The following FOXRED1 variants were observed in gnomAD, a reference collection of about 807,000 sequenced individuals.
The protein encoded by FOXRED1 is FAD-dependent oxidoreductase domain-containing protein 1.
FOXRED1 carries 52 observed loss-of-function variants against 57.8 expected under a neutral mutation model. The ratio of observed to expected loss-of-function variants is 0.90; its 90% CI spans 0.72 to 1.13. The LOEUF is 1.13. FOXRED1 is among the 50% of genes most tolerant of loss of function. FOXRED1 has a pLI of 0.00. For synonymous variants in FOXRED1, 271 were observed against 248.3 expected, an observed-to-expected ratio of 1.09 and a Z score of -0.86; for missense variants, 589 against 625.2, an observed-to-expected ratio of 0.94 and a Z score of 0.62.
At chr11:126,269,351 G>C in intron 1 of FOXRED1, 60 bp downstream of exon 1, 1 of 1,613,390 alleles carries the variant, frequency 6.2e-7, no homozygotes, top group Non-Finnish European at 8.5e-7. Context: ...CTCCGACTGT[G>C]TGTCCTTCAG....
intron 1 of FOXRED1, chr11:126,270,864 T>G: frequency 6.1e-6 from 1 of 164,662 alleles, no homozygotes; most frequent in East Asian, 1.7e-4. Flanking sequence ...TTAGGATGCT[T>G]TTGCATTTGT....
Position 126,275,578 on chromosome 11 carries a change from C to G in FOXRED1, c.733+150C>G. The G allele has an allele frequency of 1.4e-6, 1 of 737,382 alleles. No individual in the cohort carries two copies. 45.7% of individuals were successfully genotyped at this position (737,382 alleles called of 1,614,324 possible). On this transcript the variant is annotated intron_variant, in intron 6 of 10. Transcript: ENST00000263578. This position sits in a 1 kb window ranked among gnomAD's most constrained non-coding sequence, Gnocchi z 5.9. Reference sequence around the variant, plus strand: ...ATCTTGACCTGGGCTCCTCACTGATCTGCGTTGTGACTTGTGATCTGCTTG... The same window carrying G: ...ATCTTGACCTGGGCTCCTCACTGATGTGCGTTGTGACTTGTGATCTGCTTG...
At position 126,271,405 on chromosome 11, in the gene FOXRED1, T is replaced by C. The variant is rs1272108855; in HGVS notation, c.86-32T>C. 6.6e-7 allele frequency: 1 copy of C among 1,511,842 alleles called. No homozygotes were observed. Among genetic ancestry groups the C allele is most frequent in the Non-Finnish European group, 9.2e-7 (1 of 1,086,888 alleles). 93.7% of individuals were successfully genotyped at this position (1,511,842 alleles called of 1,614,324 possible). ...CCCCCAACCATGTGGGAAGGAAATGTTTGGCCCTCTGACCCTAACTACATC... is the reference window on the plus strand; with the variant it reads ...CCCCCAACCATGTGGGAAGGAAATGCTTGGCCCTCTGACCCTAACTACATC... On this transcript the variant is annotated intron_variant, in intron 1 of 10. Transcript: ENST00000263578. The surrounding 1 kb of genome is among the most constrained non-coding windows in gnomAD (Gnocchi z 5.3).
In FOXRED1 at chr11:126,273,560, G is replaced by T; in HGVS notation, c.536+106G>T. 1 of 800,250 alleles carries T rather than the reference G, an allele frequency of 1.2e-6. No individual in the cohort carries two copies. Among genetic ancestry groups the T allele is most frequent in the Non-Finnish European group, 2.2e-6 (1 of 449,778 alleles). The allele number at this position is 800,250 out of a possible 1,614,324, so 49.6% of individuals were successfully genotyped here. A position where few individuals can be genotyped will look rare whatever the true frequency, so the allele number is the denominator to read the frequency against. ...AGTGGAGTTGATAAGACAGATCCCT[G>T]CGGTCTAGGACCTCAGTGTGTCAGG... On this transcript the variant is annotated intron_variant, in intron 4 of 10. Coordinates refer to ENST00000263578, the MANE Select transcript of FOXRED1 (RefSeq NM_017547.4). The surrounding 1 kb of genome is among the most constrained non-coding windows in gnomAD (Gnocchi z 5.9).
In FOXRED1 at chr11:126,269,276, G is replaced by GTT. The variant is rs1565350008; in HGVS notation, c.70_71insTT (p.Gly24ValfsTer45). The GTT allele has an allele frequency of 1.9e-6, 3 of 1,614,246 alleles. No individual in the cohort carries two copies. The South Asian group carries it at 3.3e-5, about 18-fold the overall frequency. Reference sequence around the variant, plus strand: ...GACCCGGAGGCCAGGCACGCGCAGAGGAGGCTTTTCTCTGGGTAAAGTTGA... The same window carrying GTT: ...GACCCGGAGGCCAGGCACGCGCAGAGTTGAGGCTTTTCTCTGGGTAAAGTTGA... On this transcript the variant is annotated frameshift_variant, in exon 1 of 11. Coordinates refer to ENST00000263578, the MANE Select transcript of FOXRED1 (RefSeq NM_017547.4). LOFTEE classifies it high-confidence loss of function.
rs1425210219 is a variant in FOXRED1, at chr11:126,274,882, C to G, written c.537-45C>G. 1 of 1,130,854 alleles carries G rather than the reference C, an allele frequency of 8.8e-7. No homozygotes were observed. The highest frequency in any genetic ancestry group is 1.4e-6 in the Non-Finnish European group (1 of 738,410). The allele number at this position is 1,130,854 out of a possible 1,614,324, so 70.1% of individuals were successfully genotyped here. A position where few individuals can be genotyped will look rare whatever the true frequency, so the allele number is the denominator to read the frequency against. On this transcript the variant is annotated intron_variant, in intron 4 of 10. Coordinates refer to ENST00000263578, the MANE Select transcript of FOXRED1 (RefSeq NM_017547.4). This position sits in a 1 kb window ranked among gnomAD's most constrained non-coding sequence, Gnocchi z 4.8. Reference sequence around the variant, plus strand: ...GGTCCATACATCATCCCCCTGCACACTCCCCTCTCTGACACACATACACCG... The same window carrying G: ...GGTCCATACATCATCCCCCTGCACAGTCCCCTCTCTGACACACATACACCG...
chr11:126,273,783 T>C lies in FOXRED1; in HGVS notation c.536+329T>C. The stretch of plus-strand genomic sequence containing the variant: ...AACCTTAAGTCAGGAGTTAGCAAAC[T>C]TTTTCTGTAAAGGGCCAGATAGTAT... On this transcript the variant is annotated intron_variant, in intron 4 of 10. Coordinates refer to ENST00000263578, the MANE Select transcript of FOXRED1 (RefSeq NM_017547.4). This position sits in a 1 kb window ranked among gnomAD's most constrained non-coding sequence, Gnocchi z 5.9. The C allele has an allele frequency of 2.7e-6, 1 of 375,598 alleles. No individual in the cohort carries two copies. The highest frequency in any genetic ancestry group is 3.8e-5 in the Admixed American group (1 of 26,386). 23.3% of individuals were successfully genotyped at this position (375,598 alleles called of 1,614,324 possible).
chr11:126,271,914 G>T lies in FOXRED1; in HGVS notation c.306+257G>T. ...GGATTTTTCGAGATCTCATAGCTCT[G>T]GTCATGAGAGCCTGCATTCAAGCTA... On this transcript the variant is annotated intron_variant, in intron 2 of 10. Coordinates refer to ENST00000263578, the MANE Select transcript of FOXRED1 (RefSeq NM_017547.4). The surrounding 1 kb of genome is among the most constrained non-coding windows in gnomAD (Gnocchi z 5.3). 1 of 476,920 alleles carries T rather than the reference G, an allele frequency of 2.1e-6. No individual in the cohort carries two copies. Among genetic ancestry groups the T allele is most frequent in the Non-Finnish European group, 3.9e-6 (1 of 259,574 alleles). 29.5% of individuals were successfully genotyped at this position (476,920 alleles called of 1,614,324 possible).
chr11:126,277,812 C>T lies in FOXRED1; in HGVS notation c.*123C>T, dbSNP rs756182589. On this transcript the variant is annotated 3_prime_UTR_variant, in exon 11 of 11. Transcript: ENST00000263578. This position sits in a 1 kb window ranked among gnomAD's most constrained non-coding sequence, Gnocchi z 6.8. ...CTCCCCCTCCCCAGTGTCCTCTCCT[C>T]TCAGGCAGGCCATTGCACCCATATG... 9.1e-7 allele frequency: 1 copy of T among 1,093,462 alleles called. No individual in the cohort carries two copies. 67.7% of individuals were successfully genotyped at this position (1,093,462 alleles called of 1,614,324 possible).
chr11:126,274,304 G>A lies in FOXRED1; in HGVS notation c.537-623G>A, dbSNP rs929840338. Reference sequence around the variant, plus strand: ...AGGATTGTACAAGGAGTGGAGAGGAGGTGGATCCAGGCAGGAGTGGAGGGA... The same window carrying A: ...AGGATTGTACAAGGAGTGGAGAGGAAGTGGATCCAGGCAGGAGTGGAGGGA... On this transcript the variant is annotated intron_variant, in intron 4 of 10. Transcript: ENST00000263578. The surrounding 1 kb of genome is among the most constrained non-coding windows in gnomAD (Gnocchi z 4.8). The A allele has an allele frequency of 5.9e-6, 1 of 168,722 alleles. No homozygotes were observed. Among genetic ancestry groups the A allele is most frequent in the African/African-American group, 2.4e-5 (1 of 41,718 alleles). 10.5% of individuals were successfully genotyped at this position (168,722 alleles called of 1,614,324 possible). A position where few individuals can be genotyped will look rare whatever the true frequency, so the allele number is the denominator to read the frequency against.
In FOXRED1 at chr11:126,274,885, C is replaced by A; in HGVS notation, c.537-42C>A. 1.7e-6 allele frequency: 2 copies of A among 1,153,822 alleles called. No homozygotes were observed. The highest frequency in any genetic ancestry group is 1.7e-5 in the Admixed American group (1 of 59,468). 71.5% of individuals were successfully genotyped at this position (1,153,822 alleles called of 1,614,324 possible). A position where few individuals can be genotyped will look rare whatever the true frequency, so the allele number is the denominator to read the frequency against. On this transcript the variant is annotated intron_variant, in intron 4 of 10. Transcript: ENST00000263578. This position sits in a 1 kb window ranked among gnomAD's most constrained non-coding sequence, Gnocchi z 4.8. ...CCATACATCATCCCCCTGCACACTCCCCTCTCTGACACACATACACCGACC... is the reference window on the plus strand; with the variant it reads ...CCATACATCATCCCCCTGCACACTCACCTCTCTGACACACATACACCGACC...
Position 126,271,420 on chromosome 11 carries a change from C to T in FOXRED1, c.86-17C>T, listed in dbSNP as rs1950981734. 4 of 1,596,908 alleles carry T rather than the reference C, an allele frequency of 2.5e-6. No individual in the cohort carries two copies. Among genetic ancestry groups the T allele is most frequent in the Non-Finnish European group, 3.4e-6 (4 of 1,164,490 alleles). ...GAAGGAAATGTTTGGCCCTCTGACC[C>T]TAACTACATCCCACAGACTGGGATG... On this transcript the variant is annotated splice_polypyrimidine_tract_variant and intron_variant, in intron 1 of 10. Coordinates refer to ENST00000263578, the MANE Select transcript of FOXRED1 (RefSeq NM_017547.4). The surrounding 1 kb of genome is among the most constrained non-coding windows in gnomAD (Gnocchi z 5.3).
At position 126,275,745 on chromosome 11, in the gene FOXRED1, A is replaced by G; in HGVS notation, c.734-49A>G. The G allele has an allele frequency of 1.6e-6, 2 of 1,255,052 alleles. No individual in the cohort carries two copies. The highest frequency in any genetic ancestry group is 1.2e-5 in the South Asian group (1 of 83,818). The allele number at this position is 1,255,052 out of a possible 1,614,324, so 77.7% of individuals were successfully genotyped here. On this transcript the variant is annotated intron_variant, in intron 6 of 10. Transcript: ENST00000263578. The surrounding 1 kb of genome is among the most constrained non-coding windows in gnomAD (Gnocchi z 5.9). ...AAGAAACCAGTGAAATCCCCATTTC[A>G]TTCCTCTTCAGCACCTCTACGGCCT...
chr11:126,274,915 C>T lies in FOXRED1; in HGVS notation c.537-12C>T, dbSNP rs940839670. On this transcript the variant is annotated splice_polypyrimidine_tract_variant and intron_variant, in intron 4 of 10. Transcript: ENST00000263578. This position sits in a 1 kb window ranked among gnomAD's most constrained non-coding sequence, Gnocchi z 4.8. ...TCTGACACACATACACCGACCCACACGTTTATCTCAGGCAGGAGGGAGCCA... is the reference window on the plus strand; with the variant it reads ...TCTGACACACATACACCGACCCACATGTTTATCTCAGGCAGGAGGGAGCCA... 18 of 1,544,406 alleles carry T rather than the reference C, an allele frequency of 1.2e-5. No homozygotes were observed. Among genetic ancestry groups the T allele is most frequent in the East Asian group, 4.5e-5 (2 of 44,538 alleles).
At chr11:126,269,973 C>T (rs991435735) in intron 1 of FOXRED1, among the ~76,000 whole-genome samples, 4 of 124,826 alleles carry the variant, frequency 3.2e-5, no homozygotes, top group African/African-American at 6.7e-5. Context: ...GGCGACTTAG[C>T]GAAACTCCGT....
In FOXRED1 at chr11:126,275,357, G is replaced by T. The variant is rs755831680; in HGVS notation, c.662G>T (p.Trp221Leu). Reference protein sequence around the residue: ...GMEDEGWFDPWCLLQGLRRKV... With the variant: ...GMEDEGWFDPLCLLQGLRRKV... The stretch of plus-strand genomic sequence containing the variant: ...GAGGACGAAGGTTGGTTTGACCCCT[G>T]GTGTCTGCTCCAGGGGCTTCGGCGA... Residue 221 changes from tryptophan (W) to leucine (L), a missense_variant, in exon 6 of 11, where the codon TGG becomes TTG. Physicochemically the swap from Trp to Leu is moderately conservative, Grantham distance 61. Coordinates refer to ENST00000263578, the MANE Select transcript of FOXRED1 (RefSeq NM_017547.4). This position sits in a 1 kb window ranked among gnomAD's most constrained non-coding sequence, Gnocchi z 5.9. 1.1e-5 allele frequency: 17 copies of T among 1,613,736 alleles called. No homozygotes were observed. Among genetic ancestry groups the T allele is most frequent in the Non-Finnish European group, 1.4e-5 (17 of 1,179,806 alleles).
In FOXRED1 at chr11:126,277,880, G is replaced by A; in HGVS notation, c.*191G>A. 1 of 705,904 alleles carries A rather than the reference G, an allele frequency of 1.4e-6. No individual in the cohort carries two copies. The highest frequency in any genetic ancestry group is 2.6e-6 in the Non-Finnish European group (1 of 391,338). The allele number at this position is 705,904 out of a possible 1,614,324, so 43.7% of individuals were successfully genotyped here. A position where few individuals can be genotyped will look rare whatever the true frequency, so the allele number is the denominator to read the frequency against. ...AGTGAGGCCGAGGCCAATAGCGAGT[G>A]ATGAGCGGGATCCTAGGACTGATCT... On this transcript the variant is annotated 3_prime_UTR_variant, in exon 11 of 11. Transcript: ENST00000263578. The surrounding 1 kb of genome is among the most constrained non-coding windows in gnomAD (Gnocchi z 6.8).
chr11:126,276,424 A>G lies in FOXRED1; in HGVS notation c.1002A>G (p.Gly334=). 2 of 1,499,308 alleles carry G rather than the reference A, an allele frequency of 1.3e-6. No homozygotes were observed. The highest frequency in any genetic ancestry group is 1.8e-6 in the Non-Finnish European group (2 of 1,109,862). 92.9% of individuals were successfully genotyped at this position (1,499,308 alleles called of 1,614,324 possible). A position where few individuals can be genotyped will look rare whatever the true frequency, so the allele number is the denominator to read the frequency against. The change falls in exon 9 of 11, where the codon GGA becomes GGG. Residue 334 remains glycine (G), a synonymous_variant. Coordinates refer to ENST00000263578, the MANE Select transcript of FOXRED1 (RefSeq NM_017547.4). The part of the protein sequence containing the change: ...RYVYVWHCPQ[G]PGLETPLVAD... Reference sequence around the variant, plus strand: ...TGTATGTGTGGCACTGCCCCCAGGGACCAGGCCTAGAGACTCCGCTTGTTG... The same window carrying G: ...TGTATGTGTGGCACTGCCCCCAGGGGCCAGGCCTAGAGACTCCGCTTGTTG...
chr11:126,277,383 T>C lies in FOXRED1; in HGVS notation c.1207-52T>C. 6.2e-7 allele frequency: 1 copy of C among 1,607,762 alleles called. No individual in the cohort carries two copies. The highest frequency in any genetic ancestry group is 1.1e-5 in the South Asian group (1 of 90,834). ...TGCTGAGCCCTGAGGGGAGTGAGGA[T>C]GGAGTGTGGCTACAGCCTTCCCGAG... On this transcript the variant is annotated intron_variant, in intron 10 of 10. Coordinates refer to ENST00000263578, the MANE Select transcript of FOXRED1 (RefSeq NM_017547.4). This position sits in a 1 kb window ranked among gnomAD's most constrained non-coding sequence, Gnocchi z 6.8.
Sources: gnomAD v4.1 joint callset for allele counts (sites outside exome capture counted in the v4.1 genomes callset) on GRCh38, gnomAD v4.1.1 for gene constraint, Gnocchi (gnomAD v3.1) non-coding constraint, MANE v1.5 for transcripts, NCBI Gene and HGNC (gene_info 2026-07-23, HGNC 2026-07-21) for gene names.